The following DPYD variants were observed in gnomAD, a reference collection of about 807,000 sequenced individuals.
DPYD encodes dihydropyrimidine dehydrogenase [NADP(+)].
DPYD carries 109 observed loss-of-function variants against 116.2 expected under a neutral mutation model. The observed-to-expected ratio is 0.94, with a 90% confidence interval of 0.80 to 1.10. The LOEUF is 1.10. Among genes scored for constraint, DPYD ranks in the 50% least tolerant of loss-of-function variants. The probability of loss-of-function intolerance (pLI) is 0.00; values close to 1 mark genes in which losing one functional copy is unlikely to be tolerated. For missense variants in DPYD, 1,302 were observed against 1,254.5 expected (o/e 1.04, Z -0.57); for synonymous variants, 440 against 432.0 (o/e 1.02, Z -0.23).
intron 16 of DPYD, among the ~76,000 whole-genome samples, chr1:97,346,437 A>G (rs144753377): frequency 6.6e-6 from 1 of 151,940 alleles, no homozygotes; most frequent in Non-Finnish European, 1.5e-5. Flanking sequence ...TTGTTTGTAG[A>G]ACAAGTGTTT....
chr1:97,486,138 T>G (rs1301014813), intron 13 of DPYD, among the ~76,000 whole-genome samples: 1 of 151,652 alleles, frequency 6.6e-6, no homozygotes, highest in East Asian at 1.9e-4. Context: ...AACATTGTTA[T>G]TGTCTATCCA....
intron 14 of DPYD, among the ~76,000 whole-genome samples, chr1:97,422,169 T>G (rs1674621994): frequency 6.6e-6 from 1 of 152,204 alleles, no homozygotes; most frequent in African/African-American, 2.4e-5. Context: ...GGAAGTATTT[T>G]TAACATTATT....
rs1256007405 is a variant in DPYD at position 97,515,915 on chromosome 1, G to C, written c.1551C>G (p.Ala517=). ...TGTAAAAGAGGGGTAGTTCAGGCTTGGCAGAAACGGAAGCTCCATATTGTG... is the reference window on the plus strand; with the variant it reads ...TGTAAAAGAGGGGTAGTTCAGGCTTCGCAGAAACGGAAGCTCCATATTGTG... ...VQSQYGASVS[A]KPELPLFYTP... The change falls in exon 13 of 23, where the codon GCC becomes GCG. Residue 517 remains alanine (A), a synonymous_variant. Transcript: ENST00000370192. 3 of 1,612,518 alleles carry C rather than the reference G, an allele frequency of 1.9e-6. No individual in the cohort carries two copies. The highest frequency in any genetic ancestry group is 2.5e-6 in the Non-Finnish European group (3 of 1,179,100).
chr1:97,897,510 A>G (rs879628445), intron 1 of DPYD, among the ~76,000 whole-genome samples: 1 of 151,830 alleles, frequency 6.6e-6, no homozygotes, highest in Admixed American at 6.6e-5. Flanking sequence ...TTACATGTAT[A>G]TGAGGCCACT....
chr1:97,443,564 G>A (rs1675917403), intron 14 of DPYD, among the ~76,000 whole-genome samples: 1 of 152,188 alleles, frequency 6.6e-6, no homozygotes, highest in South Asian at 2.1e-4. Context: ...AGGGAACAAA[G>A]GAGAAGTCCC....
At chr1:97,623,879 G>A (rs573064770) in intron 8 of DPYD, among the ~76,000 whole-genome samples, 27 of 152,064 alleles carry the variant, frequency 1.8e-4, no homozygotes, top group Non-Finnish European at 2.9e-4. Flanking sequence ...ATAAGCAATG[G>A]GTAAAGGATA....
intron 17 of DPYD, 98 bp downstream of exon 17, chr1:97,306,079 T>G: frequency 6.3e-7 from 1 of 1,586,590 alleles, no homozygotes; most frequent in South Asian, 1.1e-5. Flanking sequence ...AGACAAAAAA[T>G]ATGCACATGT....
intron 3 of DPYD, among the ~76,000 whole-genome samples, chr1:97,758,702 G>A (rs1370445517): frequency 6.6e-6 from 1 of 152,146 alleles, no homozygotes; most frequent in Non-Finnish European, 1.5e-5. Context: ...GTCCTTAAGA[G>A]AGTTATTTAA....
chr1:97,916,051 T>C (rs1674194459), intron 1 of DPYD, among the ~76,000 whole-genome samples: 1 of 152,214 alleles, frequency 6.6e-6, no homozygotes, highest in Non-Finnish European at 1.5e-5. Flanking sequence ...TGCCAGTTTA[T>C]ACAGAGTTTG....
intron 3 of DPYD, among the ~76,000 whole-genome samples, chr1:97,749,157 T>C (rs1664729689): frequency 1.3e-5 from 2 of 152,176 alleles, no homozygotes; most frequent in African/African-American, 4.8e-5. Context: ...ATTTCTCATG[T>C]TCCAGGGTAA....
intron 14 of DPYD, among the ~76,000 whole-genome samples, chr1:97,442,844 C>T (rs1226888229): frequency 6.6e-6 from 1 of 152,148 alleles, no homozygotes; most frequent in Admixed American, 6.5e-5. Flanking sequence ...AAGCTATACA[C>T]ATGCTGTTAC....
intron 7 of DPYD, among the ~76,000 whole-genome samples, chr1:97,681,814 A>G (rs1166408440): frequency 6.6e-6 from 1 of 152,190 alleles, no homozygotes; most frequent in African/African-American, 2.4e-5. Context: ...CACCAGGTCC[A>G]AACATTCTAA....
intron 3 of DPYD, among the ~76,000 whole-genome samples, chr1:97,781,368 C>T (rs1361319140): frequency 1.3e-5 from 2 of 152,092 alleles, no homozygotes; most frequent in African/African-American, 4.8e-5. Context: ...TAAGCATTAC[C>T]ATTTCTGAGA....
rs575504983 is a variant in DPYD, at chr1:97,624,897, G to A, written c.851-29731C>T. ...TACTGCATGTTCTCACTTGGATGTC[G>A]AATCTGAAACAATTAAACTCATAGA... On this transcript the variant is annotated intron_variant, in intron 8 of 22. Transcript: ENST00000370192. Among the ~76,000 whole-genome samples, 5 of 152,072 alleles carry A rather than the reference G, an allele frequency of 3.3e-5. No homozygotes were observed. The South Asian group carries it at 6.2e-4, about 19-fold the overall frequency.
intron 14 of DPYD, among the ~76,000 whole-genome samples, chr1:97,436,794 T>C (rs936566679): frequency 6.6e-6 from 1 of 151,956 alleles, no homozygotes; most frequent in Non-Finnish European, 1.5e-5. Context: ...CATGACTCAG[T>C]ATCAAAGTGA....
chr1:97,483,607 A>G (rs1237311900), intron 13 of DPYD, among the ~76,000 whole-genome samples: 1 of 152,156 alleles, frequency 6.6e-6, no homozygotes, highest in Non-Finnish European at 1.5e-5. Context: ...ACGTTTACCT[A>G]TGTAACAAAC....
At chr1:97,231,155 A>T (rs866129) in intron 19 of DPYD, among the ~76,000 whole-genome samples, 41,270 of 152,064 alleles carry the variant, frequency 0.27, 5,748 homozygotes, top group Middle Eastern at 0.34. Context: ...CTTCATAGAA[A>T]CTTGACTCTA....
intron 1 of DPYD, among the ~76,000 whole-genome samples, chr1:97,891,795 T>C (rs1468496512): frequency 6.6e-6 from 1 of 151,882 alleles, no homozygotes; most frequent in African/African-American, 2.4e-5. Flanking sequence ...TTTCTTAACA[T>C]GTGGTATTGT....
chr1:97,300,444 T>TA (rs905400784), intron 18 of DPYD, among the ~76,000 whole-genome samples: 1 of 151,972 alleles, frequency 6.6e-6, no homozygotes, highest in African/African-American at 2.4e-5. Flanking sequence ...GATTGACACA[T>TA]AAAAAAATCC....
Sources: gnomAD v4.1 joint callset for allele counts (sites outside exome capture counted in the v4.1 genomes callset) on GRCh38, gnomAD v4.1.1 for gene constraint, MANE v1.5 for transcripts, NCBI Gene and HGNC (gene_info 2026-07-23, HGNC 2026-07-21) for gene names.